IMPG1: variants seen among roughly 807,000 people sequenced by gnomAD.
IMPG1 encodes the protein interphotoreceptor matrix proteoglycan of 150 kDa.
A neutral mutation model predicts 92.0 loss-of-function variants in IMPG1; 85 were observed. That is an observed-to-expected ratio of 0.92 (90% CI 0.78 to 1.11). The LOEUF is 1.11. Ranked by LOEUF, IMPG1 falls within the 50% of genes least tolerant of loss-of-function variation. The pLI, the probability that IMPG1 is intolerant of heterozygous loss-of-function variation, is 0.00. For missense variants in IMPG1, 1,022 were observed against 956.0 expected, an observed-to-expected ratio of 1.07 and a Z score of -0.91; for synonymous variants, 367 against 334.1, an observed-to-expected ratio of 1.10 and a Z score of -1.08.
At chr6:75,994,195 CAA>C (rs1373531795) in intron 12 of IMPG1, among the ~76,000 whole-genome samples, 1 of 152,076 alleles carries the variant, frequency 6.6e-6, no homozygotes, top group Non-Finnish European at 1.5e-5. Flanking sequence ...CAAAACAAAA[CAA>C]AAGTCACTGG....
chr6:75,981,347 A>G (rs1782623749), intron 12 of IMPG1, among the ~76,000 whole-genome samples: 1 of 152,220 alleles, frequency 6.6e-6, no homozygotes, highest in Admixed American at 6.5e-5. Flanking sequence ...TGAGTAAAAA[A>G]TCCATAATGT....
intron 12 of IMPG1, among the ~76,000 whole-genome samples, chr6:75,960,267 T>A: frequency 6.6e-6 from 1 of 152,206 alleles, no homozygotes; most frequent in East Asian, 1.9e-4. Context: ...ATCACCTGCC[T>A]TCTGCATTGA....
At chr6:76,023,190 T>C (rs1368860637) in intron 5 of IMPG1, among the ~76,000 whole-genome samples, 2 of 152,150 alleles carry the variant, frequency 1.3e-5, no homozygotes, top group Non-Finnish European at 2.9e-5. Context: ...CCCTGTGGCA[T>C]ATCAGAACCT....
At chr6:75,994,211 G>A (rs1006196968) in intron 12 of IMPG1, among the ~76,000 whole-genome samples, 1 of 152,312 alleles carries the variant, frequency 6.6e-6, no homozygotes, top group East Asian at 1.9e-4. Context: ...TCACTGGGCC[G>A]TTGGAATGAA....
At chr6:75,965,532 T>C (rs1782291850) in intron 12 of IMPG1, among the ~76,000 whole-genome samples, 1 of 152,004 alleles carries the variant, frequency 6.6e-6, no homozygotes, top group Non-Finnish European at 1.5e-5. Flanking sequence ...AAATGTCCAT[T>C]CTTATCTTTT....
chr6:76,032,172 AG>A (rs1270225888), intron 4 of IMPG1, among the ~76,000 whole-genome samples: 25 of 152,334 alleles, frequency 1.6e-4, no homozygotes, highest in Middle Eastern at 3.4e-3. Flanking sequence ...GCACAGGAGT[AG>A]ATGAAATGCT....
In IMPG1 at chr6:75,950,691, G is replaced by A. The variant is rs564968144; in HGVS notation, c.1695C>T (p.Thr565=). 4.3e-6 allele frequency: 7 copies of A among 1,613,896 alleles called. No homozygotes were observed. The African/African-American group carries it at 8.0e-5, about 18-fold the overall frequency. The change falls in exon 13 of 17, where the codon ACC becomes ACT. Residue 565 remains threonine (T), a synonymous_variant. Transcript: ENST00000369950. ...ALQYITTSSM[T]IAPKGRELVV... ...CCAGCTCTCGGCCCTTGGGGGCAAT[G>A]GTCATAGAACTAGTGGTGATATACT... is the stretch of plus-strand genomic sequence containing the variant.
At chr6:76,046,570 A>G (rs1413276189) in intron 1 of IMPG1, among the ~76,000 whole-genome samples, 1 of 152,198 alleles carries the variant, frequency 6.6e-6, no homozygotes, top group Non-Finnish European at 1.5e-5. Flanking sequence ...AATGTCACTC[A>G]ACTATTCAAA....
At chr6:75,962,350 C>A (rs1016306317) in intron 12 of IMPG1, among the ~76,000 whole-genome samples, 2 of 152,056 alleles carry the variant, frequency 1.3e-5, no homozygotes, top group Non-Finnish European at 2.9e-5. Context: ...TGGTCTCAAA[C>A]TCCTGGGCTC....
chr6:75,956,350 T>A (rs1208652331), intron 12 of IMPG1, among the ~76,000 whole-genome samples: 1 of 152,220 alleles, frequency 6.6e-6, no homozygotes, highest in Non-Finnish European at 1.5e-5. Flanking sequence ...CAGGAATTTA[T>A]CCATTTTGTC....
At position 75,921,955 on chromosome 6, in the gene IMPG1, G is replaced by T; in HGVS notation, c.*134C>A. 1 of 601,446 alleles carries T rather than the reference G, an allele frequency of 1.7e-6. No homozygotes were observed. The allele number at this position is 601,446 out of a possible 1,614,324, so 37.3% of individuals were successfully genotyped here. A position where few individuals can be genotyped will look rare whatever the true frequency, so the allele number is the denominator to read the frequency against. ...ATGACTCTTCTATATTTGAAATATG[G>T]TGTGTGCTGATTCTCAGTGTTGACT... On this transcript the variant is annotated 3_prime_UTR_variant, in exon 17 of 17. Coordinates refer to ENST00000369950, the MANE Select transcript of IMPG1 (RefSeq NM_001563.4).
chr6:76,071,351 A>G (rs59058922), intron 1 of IMPG1, among the ~76,000 whole-genome samples: 6,985 of 150,612 alleles, frequency 0.046, 539 homozygotes, highest in African/African-American at 0.16. Context: ...GATTCAGTTC[A>G]GAATATACCA....
chr6:75,965,361 G>T (rs1184351100), intron 12 of IMPG1, among the ~76,000 whole-genome samples: 6 of 129,592 alleles, frequency 4.6e-5, no homozygotes, highest in Admixed American at 8.4e-5. Context: ...AGCATTTGTT[G>T]TTACTTTTTT....
intron 12 of IMPG1, among the ~76,000 whole-genome samples, chr6:75,954,404 A>T (rs1272744495): frequency 1.3e-5 from 2 of 152,190 alleles, no homozygotes; most frequent in Non-Finnish European, 2.9e-5. Flanking sequence ...GGCCGCATAA[A>T]TGTCTCCTTT....
At chr6:75,987,684 A>G (rs1378220910) in intron 12 of IMPG1, among the ~76,000 whole-genome samples, 6 of 145,464 alleles carry the variant, frequency 4.1e-5, no homozygotes, top group African/African-American at 1.5e-4. Flanking sequence ...TCACTCTGTT[A>G]CCCAGGCTGG....
chr6:76,056,519 T>C (rs1219323996), intron 1 of IMPG1, among the ~76,000 whole-genome samples: 2 of 152,154 alleles, frequency 1.3e-5, no homozygotes, highest in Non-Finnish European at 2.9e-5. Flanking sequence ...ATCTATGGGG[T>C]GCTTATTTCA....
chr6:75,938,912 C>T (rs72886024), intron 14 of IMPG1, among the ~76,000 whole-genome samples: 16,291 of 151,970 alleles, frequency 0.11, 1,035 homozygotes, highest in Middle Eastern at 0.18. Context: ...CTTTTTTTTT[C>T]CCCAAGACAG....
At chr6:76,055,897 C>A (rs1784113181) in intron 1 of IMPG1, among the ~76,000 whole-genome samples, 1 of 151,902 alleles carries the variant, frequency 6.6e-6, no homozygotes, top group African/African-American at 2.4e-5. Flanking sequence ...ATTATCATAA[C>A]CTTAAAAAAT....
At chr6:75,993,957 G>T (rs1782857276) in intron 12 of IMPG1, among the ~76,000 whole-genome samples, 1 of 152,148 alleles carries the variant, frequency 6.6e-6, no homozygotes, top group South Asian at 2.1e-4. Flanking sequence ...GTCTGTGAGG[G>T]GCTGCAGAGC....
Sources: allele counts gnomAD v4.1 joint callset (sites outside exome capture counted in the v4.1 genomes callset), GRCh38; gene constraint gnomAD v4.1.1; transcripts MANE v1.5; gene names NCBI Gene and HGNC (gene_info 2026-07-23, HGNC 2026-07-21).